Variants in DACH2 observed in about 807,000 individuals in gnomAD.
DACH2 encodes the protein dachshund family transcription factor 2.
A neutral mutation model predicts 35.8 loss-of-function variants in DACH2; 17 were observed. The ratio of observed to expected loss-of-function variants is 0.48; its 90% CI spans 0.33 to 0.71. DACH2 has a LOEUF of 0.71. Ranked by LOEUF, DACH2 falls within the 30% of genes least tolerant of loss-of-function variation. DACH2 has a pLI of 0.02. For missense variants in DACH2, 469 were observed against 472.7 expected, an observed-to-expected ratio of 0.99 and a Z score of 0.07; for synonymous variants, 195 against 177.3, an observed-to-expected ratio of 1.10 and a Z score of -0.79.
At chrX:86,444,463 C>A (rs1022792771) in intron 2 of DACH2, among the ~76,000 whole-genome samples, 1 of 111,380 alleles carries the variant, frequency 9.0e-6, no homozygotes, top group Non-Finnish European at 1.9e-5. Flanking sequence ...GATAGTAAAC[C>A]TTTTATTACT....
In DACH2 at chrX:86,487,616, A is replaced by T. The variant is rs187540885; in HGVS notation, c.528-26663A>T. ...TTTCAAGATAATCCTTTTATAAATTATAGTCTTATATTGCAAAACACTTGA... is the reference window on the plus strand; with the variant it reads ...TTTCAAGATAATCCTTTTATAAATTTTAGTCTTATATTGCAAAACACTTGA... On this transcript the variant is annotated intron_variant, in intron 2 of 11. Coordinates refer to ENST00000373125, the MANE Select transcript of DACH2 (RefSeq NM_053281.3). Among the ~76,000 whole-genome samples, 165 of 99,935 alleles carry T rather than the reference A, an allele frequency of 1.7e-3. 4 individuals are homozygous for T. The East Asian group carries it at 0.03, about 18-fold the overall frequency. 86.8% of individuals were successfully genotyped at this position (99,935 alleles called of 115,157 possible). A position where few individuals can be genotyped will look rare whatever the true frequency, so the allele number is the denominator to read the frequency against.
intron 1 of DACH2, among the ~76,000 whole-genome samples, chrX:86,237,033 T>C (rs1211840857): frequency 1.8e-5 from 2 of 112,548 alleles, no homozygotes; most frequent in African/African-American, 6.4e-5. Flanking sequence ...ATTTATTCTA[T>C]AAGCTTTTTC....
At chrX:86,229,232 C>T (rs1209411264) in intron 1 of DACH2, among the ~76,000 whole-genome samples, 1 of 111,610 alleles carries the variant, frequency 9.0e-6, no homozygotes, top group Non-Finnish European at 1.9e-5. Flanking sequence ...GTATCCTTTC[C>T]TCACTTTATG....
At chrX:86,522,084 G>T (rs2038563669) in intron 3 of DACH2, among the ~76,000 whole-genome samples, 1 of 111,458 alleles carries the variant, frequency 9.0e-6, no homozygotes, top group African/African-American at 3.3e-5. Flanking sequence ...TAATTTAAAA[G>T]AAATTTATTT....
intron 3 of DACH2, among the ~76,000 whole-genome samples, chrX:86,596,607 C>T (rs937368760): frequency 1.4e-4 from 16 of 110,834 alleles, no homozygotes; most frequent in Admixed American, 1.2e-3. Flanking sequence ...GGGTTCTCCA[C>T]GGTTTTTGGA....
At chrX:86,291,934 C>T (rs754104454) in intron 1 of DACH2, among the ~76,000 whole-genome samples, 1 of 68,692 alleles carries the variant, frequency 1.5e-5, no homozygotes, top group African/African-American at 6.9e-5. Context: ...ATGATGCTGG[C>T]CTCATAAAAT....
Position 86,742,758 on chromosome X carries a change from A to G in DACH2, c.1240+2876A>G, listed in dbSNP as rs192315863. On this transcript the variant is annotated intron_variant, in intron 7 of 11. Coordinates refer to ENST00000373125, the MANE Select transcript of DACH2 (RefSeq NM_053281.3). Reference sequence around the variant, plus strand: ...TGATTTTTGCTTATTTGATACACATATAATAATCAGATACTAACTCAGTTA... The same window carrying G: ...TGATTTTTGCTTATTTGATACACATGTAATAATCAGATACTAACTCAGTTA... 3.1e-3 allele frequency: 816 copies of G among 265,353 alleles called. 8 individuals are homozygous for G. Among genetic ancestry groups the G allele is most frequent in the African/African-American group, 0.022 (772 of 35,740 alleles). The allele number at this position is 265,353 out of a possible 1,213,427, so 21.9% of individuals were successfully genotyped here. A position where few individuals can be genotyped will look rare whatever the true frequency, so the allele number is the denominator to read the frequency against.
intron 1 of DACH2, among the ~76,000 whole-genome samples, chrX:86,188,229 C>T (rs1403152968): frequency 9.0e-6 from 1 of 111,695 alleles, no homozygotes; most frequent in Non-Finnish European, 1.9e-5. Context: ...TTTCACTGGT[C>T]CCCAGTCTAA....
At chrX:86,466,135 G>T (rs933524105) in intron 2 of DACH2, among the ~76,000 whole-genome samples, 1 of 111,547 alleles carries the variant, frequency 9.0e-6, no homozygotes, top group African/African-American at 3.3e-5. Flanking sequence ...GGAGGTAAAA[G>T]GTACTTCTTA....
intron 3 of DACH2, among the ~76,000 whole-genome samples, chrX:86,568,067 C>T (rs1471813247): frequency 6.3e-5 from 7 of 111,409 alleles, no homozygotes; most frequent in Admixed American, 5.8e-4. Context: ...AGGCCCCATA[C>T]TGTATTATTA....
At chrX:86,830,345 T>C (rs2042600797) in intron 11 of DACH2, 1 of 111,957 alleles carries the variant, frequency 8.9e-6, no homozygotes, top group African/African-American at 3.2e-5. Context: ...GGGGTCTGTT[T>C]CGCTACTGTC....
At chrX:86,188,917 C>T (rs1241461491) in intron 1 of DACH2, among the ~76,000 whole-genome samples, 1 of 112,288 alleles carries the variant, frequency 8.9e-6, no homozygotes, top group African/African-American at 3.2e-5. Context: ...AATAGGAAAA[C>T]AACACATACC....
chrX:86,260,414 T>C (rs116451178), intron 1 of DACH2, among the ~76,000 whole-genome samples: 3,879 of 111,663 alleles, frequency 0.035, 158 homozygotes, highest in African/African-American at 0.12. Context: ...GTGGATTACT[T>C]TCACAGGTCA....
At chrX:86,761,053 G>T (rs1373353778) in intron 7 of DACH2, among the ~76,000 whole-genome samples, 1 of 111,301 alleles carries the variant, frequency 9.0e-6, no homozygotes, top group Non-Finnish European at 1.9e-5. Flanking sequence ...TTTACTTTAA[G>T]TTCTGGGATA....
chrX:86,729,492 T>C (rs2041508390), intron 6 of DACH2, among the ~76,000 whole-genome samples: 1 of 111,781 alleles, frequency 8.9e-6, no homozygotes, highest in Admixed American at 9.5e-5. Context: ...ACCAAGACTT[T>C]TGGGGACTGT....
intron 1 of DACH2, among the ~76,000 whole-genome samples, chrX:86,236,483 A>G (rs903166543): frequency 8.9e-6 from 1 of 112,213 alleles, no homozygotes; most frequent in Non-Finnish European, 1.9e-5. Flanking sequence ...TAATTCGGCA[A>G]TTTTGTCATT....
intron 3 of DACH2, among the ~76,000 whole-genome samples, chrX:86,600,471 T>C (rs945454222): frequency 1.8e-5 from 2 of 112,189 alleles, no homozygotes; most frequent in Non-Finnish European, 3.8e-5. Flanking sequence ...AATGGGACTA[T>C]TCATGTTTAG....
At position 86,572,634 on chromosome X, in the gene DACH2, T is replaced by C. The variant is rs199531217; in HGVS notation, c.640+58243T>C. ...TCCTGGAAAGCATTTAGTATTTAGA[T>C]ATTGAGTATGATGTTGGCTATAGGG... On this transcript the variant is annotated intron_variant, in intron 3 of 11. Transcript: ENST00000373125. Among the ~76,000 whole-genome samples the C allele has an allele frequency of 3.6e-5, 4 of 111,679 alleles. No individual in the cohort carries two copies. In the East Asian group the frequency reaches 8.5e-4, roughly 24 times the overall value.
At chrX:86,589,251 C>T in intron 3 of DACH2, among the ~76,000 whole-genome samples, 1 of 111,070 alleles carries the variant, frequency 9.0e-6, no homozygotes, top group African/African-American at 3.3e-5. Context: ...TTGAATACAA[C>T]TCTGTATGAA....
Sources: gnomAD v4.1 joint callset for allele counts (sites outside exome capture counted in the v4.1 genomes callset) on GRCh38, gnomAD v4.1.1 for gene constraint, MANE v1.5 for transcripts, NCBI Gene and HGNC (gene_info 2026-07-23, HGNC 2026-07-21) for gene names.